The following CACNA1D variants were observed in gnomAD, a reference collection of about 807,000 sequenced individuals.
The protein encoded by CACNA1D is calcium voltage-gated channel subunit alpha1 D.
CACNA1D carries 55 observed loss-of-function variants against 257.1 expected under a neutral mutation model. That is an observed-to-expected ratio of 0.21 (90% CI 0.17 to 0.27). The LOEUF is 0.27. Ranked by LOEUF, CACNA1D falls within the 10% of genes least tolerant of loss-of-function variation. The probability of loss-of-function intolerance (pLI) is 1.00; values close to 1 mark genes in which losing one functional copy is unlikely to be tolerated. For synonymous variants in CACNA1D, 980 were observed against 1,014.9 expected, an observed-to-expected ratio of 0.97 and a Z score of 0.65; for missense variants, 1,876 against 2,784.0, an observed-to-expected ratio of 0.67 and a Z score of 7.34.
chr3:53,644,941 A>G (rs2094003335), intron 3 of CACNA1D, among the ~76,000 whole-genome samples: 1 of 152,184 alleles, frequency 6.6e-6, no homozygotes, highest in Admixed American at 6.5e-5. Flanking sequence ...ACTCCTATCA[A>G]CAGTGTACAA....
intron 44 of CACNA1D, 82 bp downstream of exon 44, chr3:53,803,654 C>A (rs1440121542): frequency 1.4e-6 from 2 of 1,421,902 alleles, no homozygotes; most frequent in Non-Finnish European, 9.9e-7. Context: ...GGGCCACCGG[C>A]AGCTGCACTT....
intron 19 of CACNA1D, among the ~76,000 whole-genome samples, chr3:53,733,842 C>T (rs2095024280): frequency 6.6e-6 from 1 of 151,118 alleles, no homozygotes; most frequent in South Asian, 2.1e-4. Flanking sequence ...GCTTTTACAG[C>T]TCACCACTGT....
intron 8 of CACNA1D, among the ~76,000 whole-genome samples, chr3:53,698,749 A>G (rs570746476): frequency 9.2e-5 from 14 of 151,690 alleles, no homozygotes; most frequent in African/African-American, 3.4e-4. Context: ...CACCTGAGAG[A>G]AATATGCTCC....
chr3:53,573,858 A>C (rs1400602472), intron 3 of CACNA1D, among the ~76,000 whole-genome samples: 1 of 152,220 alleles, frequency 6.6e-6, no homozygotes, highest in African/African-American at 2.4e-5. Context: ...GTATCATTTT[A>C]ACAAATTTTA....
At chr3:53,590,056 A>G (rs2093280502) in intron 3 of CACNA1D, among the ~76,000 whole-genome samples, 1 of 151,848 alleles carries the variant, frequency 6.6e-6, no homozygotes, top group South Asian at 2.1e-4. Flanking sequence ...ACCTCCTCAA[A>G]TCCCTTTGGT....
At chr3:53,590,381 G>A (rs1054784171) in intron 3 of CACNA1D, among the ~76,000 whole-genome samples, 3 of 152,206 alleles carry the variant, frequency 2.0e-5, no homozygotes, top group African/African-American at 4.8e-5. Flanking sequence ...CCTATACTTA[G>A]GATTGTCACT....
At chr3:53,538,141 G>GGTTTTTTTTT (rs2092170591) in intron 3 of CACNA1D, among the ~76,000 whole-genome samples, 1 of 90,478 alleles carries the variant, frequency 1.1e-5, no homozygotes, top group African/African-American at 6.0e-5. Flanking sequence ...AGTTTTTGAA[G>GGTTTTTTTTT]TTTTTTTTTT....
intron 39 of CACNA1D, among the ~76,000 whole-genome samples, chr3:53,784,685 C>T (rs2109094155): frequency 6.6e-6 from 1 of 152,272 alleles, no homozygotes; most frequent in East Asian, 1.9e-4. Context: ...ACACAGAGCC[C>T]TGGAATATAG....
intron 3 of CACNA1D, among the ~76,000 whole-genome samples, chr3:53,632,098 T>C (rs1027477992): frequency 6.6e-6 from 1 of 152,192 alleles, no homozygotes; most frequent in Non-Finnish European, 1.5e-5. Context: ...CATTCCCCTC[T>C]CTAGCTAGAA....
intron 8 of CACNA1D, among the ~76,000 whole-genome samples, chr3:53,702,328 A>G (rs2094634675): frequency 6.6e-6 from 1 of 152,200 alleles, no homozygotes; most frequent in Non-Finnish European, 1.5e-5. Flanking sequence ...GGGGGGTGTC[A>G]GAGGCCTGCC....
At chr3:53,767,565 C>CAAAAAAAAAA (rs397792487) in intron 30 of CACNA1D, among the ~76,000 whole-genome samples, 12 of 130,446 alleles carry the variant, frequency 9.2e-5, no homozygotes, top group East Asian at 7.4e-4. Flanking sequence ...GACTCTATCT[C>CAAAAAAAAAA]AAAAAAAAAA....
chr3:53,801,500 G>GGGTCTGT (rs2095535747), intron 42 of CACNA1D, 75 bp downstream of exon 42: 1 of 1,583,848 alleles, frequency 6.3e-7, no homozygotes, highest in African/African-American at 1.3e-5. Context: ...GGAGCAAGGC[G>GGGTCTGT]GGTCTGTGCT....
Position 53,805,157 on chromosome 3 carries a change from AT to A in CACNA1D, c.5749+17del, listed in dbSNP as rs1360324860. ...CTCCCACCCCAGCATGTGAGGCCAG[AT>A]TTTTTGTTTTGGGTGGAACCTCCCG... On this transcript the variant is annotated intron_variant, in intron 45 of 47. Coordinates refer to ENST00000350061, the MANE Select transcript of CACNA1D (RefSeq NM_001128840.3). 1.2e-6 allele frequency: 2 copies of A among 1,612,768 alleles called. No individual in the cohort carries two copies. Among genetic ancestry groups the A allele is most frequent in the South Asian group, 1.1e-5 (1 of 91,070 alleles).
At chr3:53,520,172 A>G (rs2091494877) in intron 3 of CACNA1D, among the ~76,000 whole-genome samples, 1 of 152,182 alleles carries the variant, frequency 6.6e-6, no homozygotes, top group African/African-American at 2.4e-5. Context: ...TGGGAGTGGA[A>G]TTGCTAGGTC....
intron 39 of CACNA1D, among the ~76,000 whole-genome samples, chr3:53,783,539 G>A (rs1265274788): frequency 6.6e-6 from 1 of 152,222 alleles, no homozygotes; most frequent in Non-Finnish European, 1.5e-5. Flanking sequence ...GAAGAGAGAA[G>A]TGGGGCCTTA....
chr3:53,748,406 T>G (rs746350955), intron 26 of CACNA1D, among the ~76,000 whole-genome samples: 40 of 152,182 alleles, frequency 2.6e-4, no homozygotes, highest in Middle Eastern at 3.4e-3. Flanking sequence ...AAAGAGACAG[T>G]CAGGTGGGGC....
At chr3:53,728,639 G>T (rs2094959228) in intron 15 of CACNA1D, among the ~76,000 whole-genome samples, 1 of 152,180 alleles carries the variant, frequency 6.6e-6, no homozygotes, top group African/African-American at 2.4e-5. Flanking sequence ...CAACATCCTG[G>T]ACTTGAATCT....
chr3:53,656,787 T>C (rs1174565428), intron 4 of CACNA1D, among the ~76,000 whole-genome samples: 3 of 152,128 alleles, frequency 2.0e-5, no homozygotes, highest in African/African-American at 7.2e-5. Flanking sequence ...ATGTGAATCA[T>C]CAACAAACAT....
intron 45 of CACNA1D, among the ~76,000 whole-genome samples, chr3:53,807,258 G>A (rs1017692892): frequency 3.9e-5 from 6 of 152,258 alleles, no homozygotes; most frequent in Non-Finnish European, 8.8e-5. Flanking sequence ...GGAAACCTAT[G>A]CTCCACAGCA....
Sources: gnomAD v4.1 joint callset for allele counts (sites outside exome capture counted in the v4.1 genomes callset) on GRCh38, gnomAD v4.1.1 for gene constraint, MANE v1.5 for transcripts, NCBI Gene and HGNC (gene_info 2026-07-23, HGNC 2026-07-21) for gene names.